The following NEMP2 variants were observed in gnomAD, a reference collection of about 807,000 sequenced individuals.
NEMP2 encodes the protein UPF0571 transmembrane protein.
NEMP2 carries 53 observed loss-of-function variants against 54.2 expected under a neutral mutation model. The ratio of observed to expected loss-of-function variants is 0.98; its 90% CI spans 0.78 to 1.23. NEMP2 has a LOEUF of 1.23. Among genes scored for constraint, NEMP2 ranks in the 50% most tolerant of loss-of-function variants. The pLI is 0.00. For missense variants in NEMP2, 455 were observed against 511.3 expected, an observed-to-expected ratio of 0.89 and a Z score of 1.06; for synonymous variants, 197 against 190.3, an observed-to-expected ratio of 1.04 and a Z score of -0.29.
the NEMP2 span, among the ~76,000 whole-genome samples, chr2:190,578,998 G>A: frequency 2.0e-5 from 3 of 152,122 alleles, no homozygotes; most frequent in Non-Finnish European, 2.9e-5. The surrounding 1 kb of genome is among the most constrained non-coding windows in gnomAD (Gnocchi z 4.4). Flanking sequence ...ACCCTGATGC[G>A]TGCTCTTTCC....
the NEMP2 span, among the ~76,000 whole-genome samples, chr2:190,578,945 T>G: frequency 6.6e-6 from 1 of 152,184 alleles, no homozygotes; most frequent in Non-Finnish European, 1.5e-5. The surrounding 1 kb of genome is among the most constrained non-coding windows in gnomAD (Gnocchi z 4.4). Flanking sequence ...TGCCAGATAT[T>G]TGACCCCTGA....
chr2:190,603,848 G>A, the NEMP2 span, among the ~76,000 whole-genome samples: 89 of 151,876 alleles, frequency 5.9e-4, no homozygotes, highest in Middle Eastern at 3.4e-3. Flanking sequence ...GCAAACTCTG[G>A]AGTATGTTTT....
chr2:190,464,651 A>AG, the NEMP2 span, among the ~76,000 whole-genome samples: 1 of 152,058 alleles, frequency 6.6e-6, no homozygotes, highest in African/African-American at 2.4e-5. Context: ...CTTCTAACTC[A>AG]GGTGGCCTCA....
At chr2:190,462,622 G>A in the NEMP2 span, among the ~76,000 whole-genome samples, 1 of 152,104 alleles carries the variant, frequency 6.6e-6, no homozygotes, top group Non-Finnish European at 1.5e-5. The surrounding 1 kb of genome is among the most constrained non-coding windows in gnomAD (Gnocchi z 5.7). Flanking sequence ...TCCTCTAATG[G>A]AAACAAAGAG....
At chr2:190,478,974 A>G in the NEMP2 span, among the ~76,000 whole-genome samples, 1 of 152,184 alleles carries the variant, frequency 6.6e-6, no homozygotes, top group African/African-American at 2.4e-5. Flanking sequence ...CTCATTCTAT[A>G]GCCCCCGCTA....
the NEMP2 span, among the ~76,000 whole-genome samples, chr2:190,633,316 T>C: frequency 0.065 from 9,758 of 151,076 alleles, 454 homozygotes; most frequent in Non-Finnish European, 0.1. Flanking sequence ...TTTTCCTTTT[T>C]TTTTTTTTTT....
chr2:190,587,730 T>C, the NEMP2 span, among the ~76,000 whole-genome samples: 1 of 152,174 alleles, frequency 6.6e-6, no homozygotes, highest in African/African-American at 2.4e-5. This position sits in a 1 kb window ranked among gnomAD's most constrained non-coding sequence, Gnocchi z 5.4. Flanking sequence ...CTGCTATTGC[T>C]AGTGAGAAGG....
chr2:190,570,619 GAGA>G, the NEMP2 span, among the ~76,000 whole-genome samples: 1 of 152,194 alleles, frequency 6.6e-6, no homozygotes, highest in Non-Finnish European at 1.5e-5. This position sits in a 1 kb window ranked among gnomAD's most constrained non-coding sequence, Gnocchi z 5.4. Flanking sequence ...GATGGAGGAG[GAGA>G]AGAACAGTGC....
chr2:190,648,516 GTTTTT>G, the NEMP2 span: 41 of 123,908 alleles, frequency 3.3e-4, no homozygotes, highest in East Asian at 7.3e-4. Flanking sequence ...GCGCGCTGTT[GTTTTT>G]TTTTTTTTTT....
the NEMP2 span, among the ~76,000 whole-genome samples, chr2:190,433,679 T>C: frequency 6.6e-6 from 1 of 152,230 alleles, no homozygotes; most frequent in African/African-American, 2.4e-5. This position sits in a 1 kb window ranked among gnomAD's most constrained non-coding sequence, Gnocchi z 4.5. Flanking sequence ...TACAGCTACA[T>C]TGACATCTGG....
the NEMP2 span, among the ~76,000 whole-genome samples, chr2:190,591,040 A>T: frequency 1.3e-5 from 2 of 152,164 alleles, no homozygotes; most frequent in African/African-American, 2.4e-5. This position sits in a 1 kb window ranked among gnomAD's most constrained non-coding sequence, Gnocchi z 5.4. Flanking sequence ...ACTTTGTGAC[A>T]TATGCTCTTA....
the NEMP2 span, among the ~76,000 whole-genome samples, chr2:190,643,825 T>C: frequency 2.0e-5 from 3 of 152,034 alleles, no homozygotes; most frequent in African/African-American, 4.8e-5. Context: ...CTTAGTAGAC[T>C]GAGGTGGGAA....
the NEMP2 span, among the ~76,000 whole-genome samples, chr2:190,612,063 T>C: frequency 1.3e-5 from 2 of 152,098 alleles, no homozygotes; most frequent in East Asian, 1.9e-4. Context: ...TTTCCTTTCA[T>C]AAATTCCCTT....
At chr2:190,617,507 AT>A in the NEMP2 span, among the ~76,000 whole-genome samples, 4 of 152,162 alleles carry the variant, frequency 2.6e-5, no homozygotes, top group African/African-American at 9.7e-5. This position sits in a 1 kb window ranked among gnomAD's most constrained non-coding sequence, Gnocchi z 5.0. Context: ...CCTGCCCAAA[AT>A]TAAATTACTC....
chr2:190,628,498 C>T, the NEMP2 span: 4 of 152,290 alleles, frequency 2.6e-5, no homozygotes. This position sits in a 1 kb window ranked among gnomAD's most constrained non-coding sequence, Gnocchi z 4.1. Flanking sequence ...TCTGCAATGC[C>T]TGCTACTCCA....
chr2:190,586,315 G>A, the NEMP2 span, among the ~76,000 whole-genome samples: 9 of 152,094 alleles, frequency 5.9e-5, no homozygotes, highest in South Asian at 2.1e-4. The surrounding 1 kb of genome is among the most constrained non-coding windows in gnomAD (Gnocchi z 4.5). Flanking sequence ...AAGTACCCCC[G>A]AAGTCAGTTT....
In NEMP2 at chr2:190,529,561, T is replaced by G. The variant is rs923200665; in HGVS notation, c.98-4183A>C. ...CAACCACTTCCACCTGCTTTATTCTTTCTTCATATTACATATATATTTATT... is the reference window on the plus strand; with the variant it reads ...CAACCACTTCCACCTGCTTTATTCTGTCTTCATATTACATATATATTTATT... On this transcript the variant is annotated intron_variant, in intron 1 of 8. Transcript: ENST00000409150. The surrounding 1 kb of genome is among the most constrained non-coding windows in gnomAD (Gnocchi z 4.7). 2.0e-5 allele frequency among the ~76,000 whole-genome samples: 3 copies of G among 152,214 alleles called. No homozygotes were observed. The highest frequency in any genetic ancestry group is 7.2e-5 in the African/African-American group (3 of 41,450).
At chr2:190,431,305 C>T in the NEMP2 span, among the ~76,000 whole-genome samples, 6 of 152,134 alleles carry the variant, frequency 3.9e-5, no homozygotes, top group South Asian at 6.2e-4. The surrounding 1 kb of genome is among the most constrained non-coding windows in gnomAD (Gnocchi z 4.4). Context: ...GACGGGGTGG[C>T]GGCCGGGCAG....
Position 190,508,461 on chromosome 2 carries a change from C to A in NEMP2, c.*728G>T, listed in dbSNP as rs531129202. On this transcript the variant is annotated 3_prime_UTR_variant, in exon 9 of 9. Transcript: ENST00000409150. The surrounding 1 kb of genome is among the most constrained non-coding windows in gnomAD (Gnocchi z 4.3). ...TGCTGCATCTCAGTGTGGTCTTGCA[C>A]AAGTTATTTAACCTCTCATGAGCTC... 6.6e-6 allele frequency: 1 copy of A among 152,318 alleles called. No individual in the cohort carries two copies. The highest frequency in any genetic ancestry group is 1.9e-4 in the East Asian group (1 of 5,190). The allele number at this position is 152,318 out of a possible 1,614,324, so 9.4% of individuals were successfully genotyped here.
Sources: gnomAD v4.1 joint callset for allele counts (sites outside exome capture counted in the v4.1 genomes callset) on GRCh38, gnomAD v4.1.1 for gene constraint, Gnocchi (gnomAD v3.1) non-coding constraint, MANE v1.5 for transcripts, NCBI Gene and HGNC (gene_info 2026-07-23, HGNC 2026-07-21) for gene names.